The following NPHS1 variants were observed in gnomAD, a reference collection of about 807,000 sequenced individuals.
NPHS1 encodes nephrin.
In NPHS1, 107 loss-of-function variants were observed where a neutral mutation model predicts 139.7. The observed-to-expected ratio is 0.77, with a 90% CI of 0.66 to 0.90. The LOEUF is 0.90. Among genes scored for constraint, NPHS1 ranks in the 40% least tolerant of loss-of-function variants. NPHS1 has a pLI of 0.00. For missense variants in NPHS1, 1,580 were observed against 1,654.2 expected, an observed-to-expected ratio of 0.96 and a Z score of 0.78; for synonymous variants, 707 against 706.6, an observed-to-expected ratio of 1.00 and a Z score of -0.01.
In NPHS1 at chr19:35,845,697, T is replaced by G. The variant is rs1973129799; in HGVS notation, c.1729A>C (p.Asn577His). The part of the protein sequence containing the change: ...CVSVSSNPPV[N>H]LSWDKEGERL... ...TCCCCTTCCTTGTCCCAGGACAAGT[T>G]GACCGGCGGATTGCTGCTGACGCTG... Residue 577 changes from asparagine to histidine, a missense_variant, in exon 13 of 29, where the codon AAC (asparagine) becomes CAC (histidine). Coordinates refer to ENST00000378910, the MANE Select transcript of NPHS1 (RefSeq NM_004646.4). This position sits in a 1 kb window ranked among gnomAD's most constrained non-coding sequence, Gnocchi z 5.5. The G allele has an allele frequency of 6.2e-7, 1 of 1,613,918 alleles. No homozygotes were observed. Among genetic ancestry groups the G allele is most frequent in the African/African-American group, 1.3e-5 (1 of 74,936 alleles).
In NPHS1 at chr19:35,845,891, G is replaced by GGGTCCC; in HGVS notation, c.1628-99_1628-94dup. 3 of 1,541,866 alleles carry GGGTCCC rather than the reference G, an allele frequency of 1.9e-6. No individual in the cohort carries two copies. The South Asian group carries it at 3.6e-5, about 19-fold the overall frequency. Reference sequence around the variant, plus strand: ...TGCACCCCAGGCTCCGCCCAGTCTCGGGTCCCCCACCCCGCCTCCGCCCGC... The same window carrying GGGTCCC: ...TGCACCCCAGGCTCCGCCCAGTCTCGGGTCCCGGTCCCCCACCCCGCCTCCGCCCGC... On this transcript the variant is annotated intron_variant, in intron 12 of 28. Transcript: ENST00000378910. This position sits in a 1 kb window ranked among gnomAD's most constrained non-coding sequence, Gnocchi z 5.5.
chr19:35,834,839 C>T (rs1045375129), intron 23 of NPHS1, among the ~76,000 whole-genome samples: 2 of 150,642 alleles, frequency 1.3e-5, no homozygotes, highest in Admixed American at 6.6e-5. Flanking sequence ...CAGCCGAGAT[C>T]GCACCACTGC....
In NPHS1 at chr19:35,826,087, A is replaced by G. The variant is rs1599832762; in HGVS notation, c.*427T>C. 4.9e-6 allele frequency: 1 copy of G among 202,508 alleles called. No homozygotes were observed. The highest frequency in any genetic ancestry group is 1.1e-4 in the East Asian group (1 of 8,846). The allele number at this position is 202,508 out of a possible 1,614,324, so 12.5% of individuals were successfully genotyped here. A position where few individuals can be genotyped will look rare whatever the true frequency, so the allele number is the denominator to read the frequency against. On this transcript the variant is annotated 3_prime_UTR_variant, in exon 29 of 29. Coordinates refer to ENST00000378910, the MANE Select transcript of NPHS1 (RefSeq NM_004646.4). Reference sequence around the variant, plus strand: ...CAGCCTCCCAAGTAGCTGGGACTACAGGCATGCGCCACTACTCCTGGCTAA... The same window carrying G: ...CAGCCTCCCAAGTAGCTGGGACTACGGGCATGCGCCACTACTCCTGGCTAA...
At position 35,833,766 on chromosome 19, in the gene NPHS1, G is replaced by A. The variant is rs188813570; in HGVS notation, c.3166+1939C>T. ...GGCTGCAGTGCAGTGGCGTGAGCTC[G>A]GCTCATTGAAGGCTCAACCTCCTGG... On this transcript the variant is annotated intron_variant, in intron 23 of 28. Transcript: ENST00000378910. 1.7e-3 allele frequency among the ~76,000 whole-genome samples: 262 copies of A among 152,076 alleles called. 1 individual carries two copies. Among genetic ancestry groups the A allele is most frequent in the African/African-American group, 6.0e-3 (250 of 41,498 alleles).
At chr19:35,833,793 C>T (rs760188854) in intron 23 of NPHS1, among the ~76,000 whole-genome samples, 4 of 152,222 alleles carry the variant, frequency 2.6e-5, no homozygotes, top group South Asian at 2.1e-4. Context: ...ACCTCCTGGG[C>T]TCAATCAATC....
intron 11 of NPHS1, among the ~76,000 whole-genome samples, chr19:35,847,034 A>ATTTTCTTTTC (rs376927312): frequency 6.6e-6 from 1 of 151,628 alleles, no homozygotes; most frequent in African/African-American, 2.4e-5. Context: ...TTTTCTCCAA[A>ATTTTCTTTTC]TTTTCTTTTC....
chr19:35,850,936 T>C, intron 4 of NPHS1, 25 bp downstream of exon 4: 1 of 1,613,458 alleles, frequency 6.2e-7, no homozygotes, highest in Non-Finnish European at 8.5e-7. Context: ...TGCTGCCCCC[T>C]GCCACCCAGT....
rs138173172 is a variant in NPHS1, at chr19:35,841,784, C to A, written c.2746G>T (p.Ala916Ser). The change falls in exon 20 of 29, where the codon GCC (alanine) becomes TCC (serine). Residue 916 changes from alanine to serine, a missense_variant. Coordinates refer to ENST00000378910, the MANE Select transcript of NPHS1 (RefSeq NM_004646.4). The stretch of plus-strand genomic sequence containing the variant: ...TTGGTGGCTGTACATGTGAAGAGGG[C>A]GTAATCCTGGGCGGCAGACACGTTG... ...IANVSAAQDYALFTCTATNAL... is the reference protein window; with the variant it reads ...IANVSAAQDYSLFTCTATNAL... The A allele has an allele frequency of 2.8e-3, 4,596 of 1,614,122 alleles. 23 individuals carry two copies. The highest frequency in any genetic ancestry group is 3.6e-3 in the Non-Finnish European group (4,224 of 1,180,032).
chr19:35,848,462 A>AG, intron 9 of NPHS1, 65 bp from the exon 10 acceptor site: 1 of 1,607,866 alleles, frequency 6.2e-7, no homozygotes, highest in Non-Finnish European at 8.5e-7. Flanking sequence ...TAGAGGCCTG[A>AG]GTCCATCCCA....
chr19:35,851,105 T>G lies in NPHS1; in HGVS notation c.398-16A>C. On this transcript the variant is annotated splice_polypyrimidine_tract_variant and intron_variant, in intron 3 of 28. Transcript: ENST00000378910. ...TTGGGAGGAACTGGTGAGAGAAGGG[T>G]CTGGGGTAAGCTTCCAGCACTGAGA... 4.3e-6 allele frequency: 7 copies of G among 1,613,810 alleles called. No homozygotes were observed. Among genetic ancestry groups the G allele is most frequent in the Non-Finnish European group, 5.9e-6 (7 of 1,179,922 alleles).
chr19:35,848,868 G>C, intron 8 of NPHS1, 74 bp from the exon 9 acceptor site: 1 of 1,612,134 alleles, frequency 6.2e-7, no homozygotes, highest in Non-Finnish European at 8.5e-7. Flanking sequence ...AACAGGACTG[G>C]AGACAGATGC....
At position 35,830,917 on chromosome 19, in the gene NPHS1, T is replaced by G; in HGVS notation, c.3521A>C (p.His1174Pro). ...CGTTCTTTCTACCTCATCATACAAG[T>G]GCCCAGGGAAGGCCATATCCTCATC... ...GEDEDMAFPG[H>P]LYDEVERTYP... is the part of the protein sequence containing the mutation. Residue 1174 changes from histidine (H) to proline (P), a missense_variant, in exon 28 of 29, where the codon CAC (histidine) becomes CCC (proline). By Grantham distance (77) the His-to-Pro change is moderately conservative. Coordinates refer to ENST00000378910, the MANE Select transcript of NPHS1 (RefSeq NM_004646.4). 6.2e-7 allele frequency: 1 copy of G among 1,614,060 alleles called. No homozygotes were observed. Among genetic ancestry groups the G allele is most frequent in the Non-Finnish European group, 8.5e-7 (1 of 1,179,944 alleles).
chr19:35,837,026 A>AAAG (rs1399679221), intron 22 of NPHS1, among the ~76,000 whole-genome samples: 32 of 131,924 alleles, frequency 2.4e-4, no homozygotes, highest in African/African-American at 7.2e-4. Context: ...AAAAGAAAAG[A>AAAG]AAAGAAAGAA....
Position 35,844,335 on chromosome 19 carries a change from G to A in NPHS1, c.2055C>T (p.Gly685=). 1 of 1,613,956 alleles carries A rather than the reference G, an allele frequency of 6.2e-7. No individual in the cohort carries two copies. The highest frequency in any genetic ancestry group is 8.5e-7 in the Non-Finnish European group (1 of 1,179,958). The change falls in exon 15 of 29, where the codon GGC becomes GGT. Residue 685 remains glycine, a synonymous_variant. Coordinates refer to ENST00000378910, the MANE Select transcript of NPHS1 (RefSeq NM_004646.4). The part of the protein sequence containing the change: ...APEAFNWTFR[G]YRLSPAGGPR... ...TTCCCTCACCTGGACTGAGGCGATA[G>A]CCGCGGAAGGTCCAGTTGAAGGCCT...
At position 35,846,213 on chromosome 19, in the gene NPHS1, T is replaced by A. The variant is rs1973139464; in HGVS notation, c.1441-19A>T. 2 of 1,567,782 alleles carry A rather than the reference T, an allele frequency of 1.3e-6. No individual in the cohort carries two copies. Among genetic ancestry groups the A allele is most frequent in the Non-Finnish European group, 1.7e-6 (2 of 1,161,228 alleles). On this transcript the variant is annotated intron_variant, in intron 11 of 28. Transcript: ENST00000378910. ...GCGAGTCCTACGGGCCGGGAGTGAC[T>A]GGGGTTCGCAGGCAGCCCTGCCGCT...
chr19:35,844,027 G>T, intron 16 of NPHS1, 76 bp downstream of exon 16: 1 of 1,561,828 alleles, frequency 6.4e-7, no homozygotes, highest in Non-Finnish European at 8.7e-7. Flanking sequence ...GGTGGGCGGA[G>T]CTCCCACAAT....
chr19:35,849,155 C>G lies in NPHS1; in HGVS notation c.841-8G>C. On this transcript the variant is annotated splice_region_variant and splice_polypyrimidine_tract_variant and intron_variant, in intron 7 of 28. Transcript: ENST00000378910. ...GGACACCGGCTGGCCATTCTGGAGA[C>G]AGGGACAGGCCTGGGCCAGCTCAGG... The G allele has an allele frequency of 6.2e-7, 1 of 1,611,406 alleles. No homozygotes were observed. The highest frequency in any genetic ancestry group is 8.5e-7 in the Non-Finnish European group (1 of 1,180,016).
In NPHS1 at chr19:35,849,593, T is replaced by G; in HGVS notation, c.669A>C (p.Ala223=). Residue 223 remains alanine (A), a synonymous_variant, in exon 6 of 29, where the codon GCA becomes GCC. Coordinates refer to ENST00000378910, the MANE Select transcript of NPHS1 (RefSeq NM_004646.4). ...ATGAGGCCTTGATGGGGGCCTCCAGTGCTGGGCTAGACGCCTCACAGACCA... is the reference window on the plus strand; with the variant it reads ...ATGAGGCCTTGATGGGGGCCTCCAGGGCTGGGCTAGACGCCTCACAGACCA... ...QLLVCEASSP[A]LEAPIKASFT... The G allele has an allele frequency of 6.2e-7, 1 of 1,614,108 alleles. No individual in the cohort carries two copies. The highest frequency in any genetic ancestry group is 8.5e-7 in the Non-Finnish European group (1 of 1,179,996).
At position 35,830,976 on chromosome 19, in the gene NPHS1, G is replaced by A; in HGVS notation, c.3482-20C>T. 1 of 1,607,198 alleles carries A rather than the reference G, an allele frequency of 6.2e-7. No homozygotes were observed. Among genetic ancestry groups the A allele is most frequent in the African/African-American group, 1.3e-5 (1 of 74,896 alleles). On this transcript the variant is annotated intron_variant, in intron 27 of 28. Transcript: ENST00000378910. ...TGAAACCTGGAGTTGGAGTGGAAGG[G>A]AGACACGATCAAGGCACCCAGTCCA... is the stretch of plus-strand genomic sequence containing the variant.
Sources: allele counts gnomAD v4.1 joint callset (sites outside exome capture counted in the v4.1 genomes callset), GRCh38; gene constraint gnomAD v4.1.1; non-coding constraint Gnocchi (gnomAD v3.1); transcripts MANE v1.5; gene names NCBI Gene and HGNC (gene_info 2026-07-23, HGNC 2026-07-21).